KBTBD11: variants seen among roughly 807,000 people sequenced by gnomAD.
The protein encoded by KBTBD11 is kelch repeat and BTB domain-containing protein 11.
For missense variants in KBTBD11, 1,390 were observed against 1,001.8 expected, an observed-to-expected ratio of 1.39 and a Z score of -5.23; for synonymous variants, 747 against 499.0, an observed-to-expected ratio of 1.50 and a Z score of -6.63.
chr8:1,982,250 T>C (rs961686650), intron 1 of KBTBD11, among the ~76,000 whole-genome samples: 1 of 151,960 alleles, frequency 6.6e-6, no homozygotes, highest in African/African-American at 2.4e-5. Context: ...AAACCTACAG[T>C]AGGTACACAA....
chr8:2,002,258 G>T lies in KBTBD11; in HGVS notation c.1066G>T (p.Val356Phe). 7.7e-7 allele frequency: 1 copy of T among 1,305,102 alleles called. No individual in the cohort carries two copies. The highest frequency in any genetic ancestry group is 9.7e-7 in the Non-Finnish European group (1 of 1,034,262). 80.8% of individuals were successfully genotyped at this position (1,305,102 alleles called of 1,614,324 possible). ...GCCGGCGCGGGGCTGCGGCCTGTGCGTCCTCTACAACTACCTCTTCGTGGC... is the reference window on the plus strand; with the variant it reads ...GCCGGCGCGGGGCTGCGGCCTGTGCTTCCTCTACAACTACCTCTTCGTGGC... ...GAPARGCGLC[V>F]LYNYLFVAGG... The change falls in exon 2 of 2, where the codon GTC (valine) becomes TTC (phenylalanine). Residue 356 changes from valine (V) to phenylalanine (F), a missense_variant. Transcript: ENST00000320248. The surrounding 1 kb of genome is among the most constrained non-coding windows in gnomAD (Gnocchi z 4.1).
rs879782685 is a variant in KBTBD11 at position 2,004,011 on chromosome 8, A to C, written c.*947A>C. 1.8e-5 allele frequency: 3 copies of C among 166,842 alleles called. No homozygotes were observed. The highest frequency in any genetic ancestry group is 4.4e-5 in the Non-Finnish European group (3 of 68,134). The allele number at this position is 166,842 out of a possible 1,614,324, so 10.3% of individuals were successfully genotyped here. A position where few individuals can be genotyped will look rare whatever the true frequency, so the allele number is the denominator to read the frequency against. The stretch of plus-strand genomic sequence containing the variant: ...TTTGCTTTGACAGTTCTATAAAAAA[A>C]AGTGTAGGCACATTTTAAACCCACT... On this transcript the variant is annotated 3_prime_UTR_variant, in exon 2 of 2. Coordinates refer to ENST00000320248, the MANE Select transcript of KBTBD11 (RefSeq NM_014867.3).
rs1481965614 is a variant in KBTBD11, at chr8:2,000,680, G to C, written c.-513G>C. On this transcript the variant is annotated 5_prime_UTR_variant, in exon 2 of 2. Transcript: ENST00000320248. The stretch of plus-strand genomic sequence containing the variant: ...GATATGACAGCATGTGAAGTGAGTG[G>C]GTGAGCACGGACTCCTGAGAGCGAG... 6.4e-6 allele frequency: 1 copy of C among 155,048 alleles called. No individual in the cohort carries two copies. The highest frequency in any genetic ancestry group is 2.4e-5 in the African/African-American group (1 of 41,602). The allele number at this position is 155,048 out of a possible 1,614,324, so 9.6% of individuals were successfully genotyped here.
intron 1 of KBTBD11, among the ~76,000 whole-genome samples, chr8:1,992,655 T>C (rs1214898523): frequency 1.3e-5 from 2 of 152,086 alleles, no homozygotes; most frequent in Non-Finnish European, 2.9e-5. Context: ...TACTGTTTTT[T>C]CTTTCTATAT....
chr8:2,000,434 C>T lies in KBTBD11; in HGVS notation c.-759C>T, dbSNP rs879453253. 6.6e-6 allele frequency: 1 copy of T among 152,272 alleles called. No individual in the cohort carries two copies. Among genetic ancestry groups the T allele is most frequent in the Non-Finnish European group, 1.5e-5 (1 of 68,134 alleles). The allele number at this position is 152,272 out of a possible 1,614,324, so 9.4% of individuals were successfully genotyped here. A position where few individuals can be genotyped will look rare whatever the true frequency, so the allele number is the denominator to read the frequency against. On this transcript the variant is annotated 5_prime_UTR_variant, in exon 2 of 2. Coordinates refer to ENST00000320248, the MANE Select transcript of KBTBD11 (RefSeq NM_014867.3). The stretch of plus-strand genomic sequence containing the variant: ...CCCTGGCAGTGAATTACGGATGACC[C>T]CGTATATGAGGAGGTGTGGATGCCG...
chr8:1,993,028 C>T (rs1351828365), intron 1 of KBTBD11, among the ~76,000 whole-genome samples: 1 of 152,104 alleles, frequency 6.6e-6, no homozygotes, highest in Non-Finnish European at 1.5e-5. Context: ...GCCTTGACCT[C>T]TCCCGGGCTC....
intron 1 of KBTBD11, among the ~76,000 whole-genome samples, chr8:1,991,983 G>C (rs1399698539): frequency 6.6e-6 from 1 of 152,076 alleles, no homozygotes; most frequent in East Asian, 1.9e-4. Context: ...CATGCACGAG[G>C]AAGTGCCAGA....
At chr8:1,998,256 C>T (rs1817216127) in intron 1 of KBTBD11, among the ~76,000 whole-genome samples, 1 of 152,210 alleles carries the variant, frequency 6.6e-6, no homozygotes, top group South Asian at 2.1e-4. Flanking sequence ...AGCCTCTAGC[C>T]AGACAGCCTC....
In KBTBD11 at chr8:2,004,115, C is replaced by T. The variant is rs1454376760; in HGVS notation, c.*1051C>T. The T allele has an allele frequency of 6.0e-6, 1 of 166,856 alleles. No individual in the cohort carries two copies. Among genetic ancestry groups the T allele is most frequent in the African/African-American group, 2.4e-5 (1 of 41,402 alleles). The allele number at this position is 166,856 out of a possible 1,614,324, so 10.3% of individuals were successfully genotyped here. A position where few individuals can be genotyped will look rare whatever the true frequency, so the allele number is the denominator to read the frequency against. Reference sequence around the variant, plus strand: ...TTACAATCAGTATTCTAAGTGTGGCCGAGTGACAGTGGGCATAGATTTATA... The same window carrying T: ...TTACAATCAGTATTCTAAGTGTGGCTGAGTGACAGTGGGCATAGATTTATA... On this transcript the variant is annotated 3_prime_UTR_variant, in exon 2 of 2. Transcript: ENST00000320248.
Position 2,002,554 on chromosome 8 carries a change from C to T in KBTBD11, c.1362C>T (p.Thr454=), listed in dbSNP as rs764299285. The change falls in exon 2 of 2, where the codon ACC becomes ACT. Residue 454 remains threonine, a synonymous_variant. Coordinates refer to ENST00000320248, the MANE Select transcript of KBTBD11 (RefSeq NM_014867.3). This position sits in a 1 kb window ranked among gnomAD's most constrained non-coding sequence, Gnocchi z 4.1. ...TCGCCGTGGCGCATGAGGCCACCAC[C>T]TGCCACGGCGAGATCTACGTGTCCG... ...GAFAVAHEAT[T]CHGEIYVSGG... 4 of 1,573,902 alleles carry T rather than the reference C, an allele frequency of 2.5e-6. No homozygotes were observed. The highest frequency in any genetic ancestry group is 3.4e-6 in the Non-Finnish European group (4 of 1,169,706).
chr8:2,004,062 G>T lies in KBTBD11; in HGVS notation c.*998G>T, dbSNP rs573247192. The T allele has an allele frequency of 8.4e-5, 14 of 166,852 alleles. No individual in the cohort carries two copies. The highest frequency in any genetic ancestry group is 2.9e-4 in the African/African-American group (12 of 41,452). 10.3% of individuals were successfully genotyped at this position (166,852 alleles called of 1,614,324 possible). A position where few individuals can be genotyped will look rare whatever the true frequency, so the allele number is the denominator to read the frequency against. ...GTATATGATGTTTTCAATGTGGATC[G>T]TGTAGTTCTGATGAGGGAGATTAAT... On this transcript the variant is annotated 3_prime_UTR_variant, in exon 2 of 2. Coordinates refer to ENST00000320248, the MANE Select transcript of KBTBD11 (RefSeq NM_014867.3).
At position 2,002,981 on chromosome 8, in the gene KBTBD11, C is replaced by A. The variant is rs1348372816; in HGVS notation, c.1789C>A (p.Pro597Thr). 2 of 1,310,756 alleles carry A rather than the reference C, an allele frequency of 1.5e-6. No homozygotes were observed. The highest frequency in any genetic ancestry group is 2.1e-5 in the South Asian group (1 of 47,522). The allele number at this position is 1,310,756 out of a possible 1,614,324, so 81.2% of individuals were successfully genotyped here. A position where few individuals can be genotyped will look rare whatever the true frequency, so the allele number is the denominator to read the frequency against. Residue 597 changes from proline to threonine, a missense_variant, in exon 2 of 2, where the codon CCC becomes ACC. Physicochemically the swap from Pro to Thr is conservative, Grantham distance 38 (BLOSUM62 -1). Transcript: ENST00000320248. The surrounding 1 kb of genome is among the most constrained non-coding windows in gnomAD (Gnocchi z 4.1). ...CGGCGGCTTCGAGGCGCTGGGCGCC[C>A]CCTTGGACGTCCGGGGTGTGCTCAT... is the stretch of plus-strand genomic sequence containing the variant. ...QGGGFEALGA[P>T]LDVRGVLIPF...
At chr8:1,974,600 G>A in intron 1 of KBTBD11, 1 of 984,872 alleles carries the variant, frequency 1.0e-6, no homozygotes. Context: ...CGAGCACCGC[G>A]ACCCACCCGC....
In KBTBD11 at chr8:2,001,888, C is replaced by G; in HGVS notation, c.696C>G (p.Ser232Arg). The stretch of plus-strand genomic sequence containing the variant: ...CCGACGCCGTGGGGCCGCAGCTGAG[C>G]CTGGCCAACTGCTACGAGGTCCTGA... ...RATDAVGPQL[S>R]LANCYEVLSA... is the part of the protein sequence containing the mutation. Residue 232 changes from serine (S) to arginine (R), a missense_variant, in exon 2 of 2, where the codon AGC (serine) becomes AGG (arginine). By Grantham distance (110) the Ser-to-Arg change is moderately radical (BLOSUM62 -1). Coordinates refer to ENST00000320248, the MANE Select transcript of KBTBD11 (RefSeq NM_014867.3). 1 of 1,397,168 alleles carries G rather than the reference C, an allele frequency of 7.2e-7. No homozygotes were observed. The highest frequency in any genetic ancestry group is 9.4e-7 in the Non-Finnish European group (1 of 1,065,674). The allele number at this position is 1,397,168 out of a possible 1,614,324, so 86.5% of individuals were successfully genotyped here.
intron 1 of KBTBD11, among the ~76,000 whole-genome samples, chr8:1,992,259 C>T (rs1444272266): frequency 6.6e-6 from 1 of 152,088 alleles, no homozygotes; most frequent in Admixed American, 6.5e-5. Flanking sequence ...CTGCCTGCCT[C>T]CCAGGGTGTT....
intron 1 of KBTBD11, among the ~76,000 whole-genome samples, chr8:1,990,712 C>A (rs879860232): frequency 0.012 from 328 of 28,348 alleles, no homozygotes; most frequent in African/African-American, 0.022. Context: ...TGCTGCGGGG[C>A]CTTGGCGCCC....
Position 2,005,605 on chromosome 8 carries a change from G to T in KBTBD11, c.*2541G>T, listed in dbSNP as rs537754831. ...AGGACCTTTTCCAATTCAAAGTGGT[G>T]TTCTAAGTCTGCGTCCAACACTGTG... On this transcript the variant is annotated 3_prime_UTR_variant, in exon 2 of 2. Transcript: ENST00000320248. The T allele has an allele frequency of 1.2e-5, 2 of 167,094 alleles. No individual in the cohort carries two copies. The highest frequency in any genetic ancestry group is 2.4e-5 in the African/African-American group (1 of 41,468). The allele number at this position is 167,094 out of a possible 1,614,324, so 10.4% of individuals were successfully genotyped here.
Position 1,989,949 on chromosome 8 carries a change from T to TTA in KBTBD11, c.-908-10336_-908-10335insTA, listed in dbSNP as rs1816850935. 3.9e-5 allele frequency among the ~76,000 whole-genome samples: 5 copies of TTA among 129,072 alleles called. 1 individual carries two copies. In the South Asian group the frequency reaches 1.2e-3, roughly 31 times the overall value. The allele number at this position is 129,072 out of a possible 152,430, so 84.7% of individuals were successfully genotyped here. A position where few individuals can be genotyped will look rare whatever the true frequency, so the allele number is the denominator to read the frequency against. ...TTTTTTTTTTTTTTTTTTTTTTTTT[T>TTA]GAGGCCTCTTGTTGAAGGCTCCAGA... On this transcript the variant is annotated intron_variant, in intron 1 of 1. Transcript: ENST00000320248.
chr8:2,001,371 G>A lies in KBTBD11; in HGVS notation c.179G>A (p.Gly60Asp). 1 of 1,471,914 alleles carries A rather than the reference G, an allele frequency of 6.8e-7. No individual in the cohort carries two copies. Among genetic ancestry groups the A allele is most frequent in the Non-Finnish European group, 9.0e-7 (1 of 1,115,846 alleles). The allele number at this position is 1,471,914 out of a possible 1,614,324, so 91.2% of individuals were successfully genotyped here. Residue 60 changes from glycine to aspartate, a missense_variant, in exon 2 of 2, where the codon GGC becomes GAC. By Grantham distance (94) the Gly-to-Asp change is moderately conservative (BLOSUM62 -1). Transcript: ENST00000320248. Reference protein sequence around the residue: ...PPQSLASAAEGAATSPPSSGG... With the variant: ...PPQSLASAAEDAATSPPSSGG... ...CAGTCCCTCGCCTCAGCGGCGGAAGGCGCGGCCACCTCCCCGCCCTCCAGC... is the reference window on the plus strand; with the variant it reads ...CAGTCCCTCGCCTCAGCGGCGGAAGACGCGGCCACCTCCCCGCCCTCCAGC...
Sources: gnomAD v4.1 joint callset for allele counts (sites outside exome capture counted in the v4.1 genomes callset) on GRCh38, gnomAD v4.1.1 for gene constraint, Gnocchi (gnomAD v3.1) non-coding constraint, MANE v1.5 for transcripts, NCBI Gene and HGNC (gene_info 2026-07-23, HGNC 2026-07-21) for gene names.